Variants in TMEM175 observed in about 807,000 individuals in gnomAD.
The protein encoded by TMEM175 is endosomal/lysosomal proton channel TMEM175.
TMEM175 carries 36 observed loss-of-function variants against 36.5 expected under a neutral mutation model. That is an observed-to-expected ratio of 0.99 (90% CI 0.76 to 1.30). The LOEUF (loss-of-function observed/expected upper bound fraction) is 1.30, where lower values mean the gene tolerates loss of function less well. TMEM175 is among the 50% of genes most tolerant of loss of function. The pLI, the probability that TMEM175 is intolerant of heterozygous loss-of-function variation, is 0.00. For synonymous variants in TMEM175, 339 were observed against 313.4 expected, an observed-to-expected ratio of 1.08 and a Z score of -0.86; for missense variants, 705 against 692.8, an observed-to-expected ratio of 1.02 and a Z score of -0.20.
Position 953,299 on chromosome 4 carries a change from A to C in TMEM175, c.572A>C (p.Gln191Pro). 6.2e-7 allele frequency: 1 copy of C among 1,614,016 alleles called. No homozygotes were observed. Among genetic ancestry groups the C allele is most frequent in the Non-Finnish European group, 8.5e-7 (1 of 1,179,972 alleles). ...YRRHVLGIVL[Q>P]GPALCFAAAI... ...CGACACGTCCTGGGCATCGTCCTCC[A>C]AGGCCCGGCCCTGTGCTTTGCAGCG... is the stretch of plus-strand genomic sequence containing the variant. The change falls in exon 8 of 11, where the codon CAA becomes CCA. Residue 191 changes from glutamine (Q) to proline (P), a missense_variant. Transcript: ENST00000264771.
intron 3 of TMEM175, 111 bp from the exon 4 acceptor site, chr4:950,310 G>A (rs1175700027): frequency 1.2e-6 from 1 of 863,366 alleles, no homozygotes; most frequent in Non-Finnish European, 1.9e-6. Flanking sequence ...CCACCCGAGG[G>A]TTTCGCCCTG....
intron 10 of TMEM175, chr4:956,374 C>T: frequency 5.4e-6 from 7 of 1,291,078 alleles, no homozygotes; most frequent in Non-Finnish European, 7.1e-6. Flanking sequence ...TCCTCCGCGG[C>T]CTCATCTGCC....
In TMEM175 at chr4:944,411, T is replaced by C. The variant is rs116382904; in HGVS notation, c.-31-3298T>C. 1.5e-3 allele frequency among the ~76,000 whole-genome samples: 229 copies of C among 152,302 alleles called. 1 individual carries two copies. The highest frequency in any genetic ancestry group is 2.6e-3 in the Non-Finnish European group (179 of 68,028). On this transcript the variant is annotated intron_variant, in intron 1 of 10. Coordinates refer to ENST00000264771, the MANE Select transcript of TMEM175 (RefSeq NM_032326.4). Reference sequence around the variant, plus strand: ...AAGATGCTGTTTGGGGATAGAACAGTTTGCTGGATTGTGGCTAGCTGTGGT... The same window carrying C: ...AAGATGCTGTTTGGGGATAGAACAGCTTGCTGGATTGTGGCTAGCTGTGGT...
chr4:941,728 G>A (rs1025295776), intron 1 of TMEM175, among the ~76,000 whole-genome samples: 9 of 151,702 alleles, frequency 5.9e-5, no homozygotes, highest in South Asian at 4.2e-4. Context: ...GAGCCACCGC[G>A]CCCGGCCTCT....
intron 1 of TMEM175, among the ~76,000 whole-genome samples, chr4:945,628 T>C (rs1164207840): frequency 6.6e-6 from 1 of 152,176 alleles, no homozygotes; most frequent in Non-Finnish European, 1.5e-5. Context: ...CTCGCCTTGG[T>C]GTGAGCAGAC....
At position 958,569 on chromosome 4, in the gene TMEM175, G is replaced by A; in HGVS notation, c.*73G>A. 1 of 1,303,402 alleles carries A rather than the reference G, an allele frequency of 7.7e-7. No individual in the cohort carries two copies. The highest frequency in any genetic ancestry group is 1.5e-5 in the South Asian group (1 of 65,136). The allele number at this position is 1,303,402 out of a possible 1,614,324, so 80.7% of individuals were successfully genotyped here. ...GAGGACAGGATGCTGGGCAGGGGAAGCCAAGTCACGGGCAGGCCGCAGTGG... is the reference window on the plus strand; with the variant it reads ...GAGGACAGGATGCTGGGCAGGGGAAACCAAGTCACGGGCAGGCCGCAGTGG... On this transcript the variant is annotated 3_prime_UTR_variant, in exon 11 of 11. Transcript: ENST00000264771.
intron 10 of TMEM175, 62 bp from the exon 11 acceptor site, chr4:957,762 C>T (rs1729898680): frequency 2.0e-6 from 3 of 1,506,452 alleles, no homozygotes; most frequent in Non-Finnish European, 2.7e-6. Flanking sequence ...GCTCAGCCAC[C>T]CTGCTGGGGC....
intron 10 of TMEM175, chr4:956,443 GTTTTT>G (rs748261443): frequency 9.1e-6 from 11 of 1,210,868 alleles, no homozygotes; most frequent in South Asian, 4.1e-5. Context: ...TTTTTGTGGG[GTTTTT>G]TTTTTTTTTT....
rs751040512 is a variant in TMEM175 at position 957,918 on chromosome 4, T to A, written c.937T>A (p.Tyr313Asn). The A allele has an allele frequency of 6.2e-7, 1 of 1,612,876 alleles. No individual in the cohort carries two copies. The highest frequency in any genetic ancestry group is 1.1e-5 in the South Asian group (1 of 91,088). The change falls in exon 11 of 11, where the codon TAC (tyrosine) becomes AAC (asparagine). Residue 313 changes from tyrosine (Y) to asparagine (N), a missense_variant. Coordinates refer to ENST00000264771, the MANE Select transcript of TMEM175 (RefSeq NM_032326.4). The part of the protein sequence containing the change: ...LSATGPRFLA[Y>N]FGSFATVGLL... Reference sequence around the variant, plus strand: ...TGCGACCGGGCCGCGCTTCCTGGCGTACTTCGGCTCCTTCGCCACAGTGGG... The same window carrying A: ...TGCGACCGGGCCGCGCTTCCTGGCGAACTTCGGCTCCTTCGCCACAGTGGG...
chr4:957,739 A>G (rs1015198937), intron 10 of TMEM175, 85 bp from the exon 11 acceptor site: 20 of 1,362,770 alleles, frequency 1.5e-5, no homozygotes, highest in South Asian at 2.8e-5. Flanking sequence ...AGATCCAGGC[A>G]GCCCTGACAG....
rs938075692 is a variant in TMEM175, at chr4:940,396, C to T, written c.-31-7313C>T. ...CTGGGAGCTGGAGGTTGCAGTGAGC[C>T]GAGATTGCACCATTGCACTCCAGCC... On this transcript the variant is annotated intron_variant, in intron 1 of 10. Coordinates refer to ENST00000264771, the MANE Select transcript of TMEM175 (RefSeq NM_032326.4). Among the ~76,000 whole-genome samples, 9 of 137,772 alleles carry T rather than the reference C, an allele frequency of 6.5e-5. No homozygotes were observed. In the South Asian group the frequency reaches 1.6e-3, roughly 24 times the overall value. 90.4% of individuals were successfully genotyped at this position (137,772 alleles called of 152,430 possible). A position where few individuals can be genotyped will look rare whatever the true frequency, so the allele number is the denominator to read the frequency against.
At chr4:935,410 A>G (rs1726678571) in intron 1 of TMEM175, among the ~76,000 whole-genome samples, 2 of 152,212 alleles carry the variant, frequency 1.3e-5, no homozygotes, top group Non-Finnish European at 2.9e-5. Context: ...TTTCATAGCA[A>G]AGAGTATTGC....
At chr4:948,900 C>T (rs1036298427) in intron 3 of TMEM175, among the ~76,000 whole-genome samples, 12 of 152,184 alleles carry the variant, frequency 7.9e-5, no homozygotes, top group Non-Finnish European at 1.5e-4. Context: ...GCTTAGAGTT[C>T]GGCTTTCTCA....
chr4:955,564 C>T, intron 9 of TMEM175, 81 bp downstream of exon 9: 1 of 1,506,042 alleles, frequency 6.6e-7, no homozygotes, highest in South Asian at 1.2e-5. Flanking sequence ...TGAGGGCTGT[C>T]CGTGGGCCGA....
intron 10 of TMEM175, among the ~76,000 whole-genome samples, chr4:957,474 C>T (rs1033400691): frequency 8.5e-5 from 13 of 152,174 alleles, no homozygotes; most frequent in African/African-American, 2.4e-4. Flanking sequence ...GAACAGACCT[C>T]GCTGCCCCAC....
Position 957,978 on chromosome 4 carries a change from CAT to C in TMEM175, c.998_999del (p.His333ArgfsTer39). On this transcript the variant is annotated frameshift_variant, in exon 11 of 11. Transcript: ENST00000264771. LOFTEE classifies it low-confidence loss of function (END_TRUNC). ...GTTCGCCCACCACTCACTCTTCCTG[CAT>C]GTGCGCAAGGCCACGCGGGCCATGG... ...LWFAHHSLFL[H>X]VRKATRAMGL... 6.2e-7 allele frequency: 1 copy of C among 1,612,916 alleles called. No individual in the cohort carries two copies. Among genetic ancestry groups the C allele is most frequent in the Non-Finnish European group, 8.5e-7 (1 of 1,179,956 alleles).
chr4:948,480 A>G (rs745813307), intron 3 of TMEM175: 2 of 1,443,608 alleles, frequency 1.4e-6, no homozygotes, highest in South Asian at 2.4e-5. Flanking sequence ...GGCCTGCCCC[A>G]AGGACAGAAG....
At chr4:952,755 G>A (rs572764970) in intron 7 of TMEM175, among the ~76,000 whole-genome samples, 55 of 145,022 alleles carry the variant, frequency 3.8e-4, no homozygotes, top group African/African-American at 1.4e-3. Context: ...GGGGCCCTGT[G>A]CTGTGTGTGT....
intron 8 of TMEM175, among the ~76,000 whole-genome samples, 177 bp downstream of exon 8, chr4:953,531 T>A (rs1411887252): frequency 6.6e-6 from 1 of 152,208 alleles, no homozygotes; most frequent in Non-Finnish European, 1.5e-5. Context: ...GAGGGAGGCC[T>A]GCTCCACCTG....
Sources: allele counts gnomAD v4.1 joint callset (sites outside exome capture counted in the v4.1 genomes callset), GRCh38; gene constraint gnomAD v4.1.1; transcripts MANE v1.5; gene names NCBI Gene and HGNC (gene_info 2026-07-23, HGNC 2026-07-21).